The following ZFX variants were observed in gnomAD, a reference collection of about 807,000 sequenced individuals.
The protein encoded by ZFX is zinc finger X-chromosomal protein.
For synonymous variants in ZFX, 196 were observed against 226.8 expected (o/e 0.86, Z 1.22); for missense variants, 362 against 628.3 (o/e 0.58, Z 4.53).
At chrX:24,157,434 C>G (rs1202266749) in intron 3 of ZFX, among the ~76,000 whole-genome samples, 2 of 112,279 alleles carry the variant, frequency 1.8e-5, no homozygotes, top group Non-Finnish European at 3.8e-5. Flanking sequence ...CCCATAATCA[C>G]TGTTGTCTAG....
chrX:24,202,991 C>T (rs1937399329), intron 5 of ZFX, among the ~76,000 whole-genome samples: 1 of 111,991 alleles, frequency 8.9e-6, no homozygotes, highest in African/African-American at 3.2e-5. Context: ...GCCGTGAGCA[C>T]AAAGCAATAG....
chrX:24,212,018 A>ACAT lies in ZFX; in HGVS notation c.*644_*646dup, dbSNP rs1211854301. 5 of 112,764 alleles carry ACAT rather than the reference A, an allele frequency of 4.4e-5. No homozygotes were observed. Among genetic ancestry groups the ACAT allele is most frequent in the Non-Finnish European group, 9.4e-5 (5 of 53,355 alleles). 9.3% of individuals were successfully genotyped at this position (112,764 alleles called of 1,213,427 possible). A position where few individuals can be genotyped will look rare whatever the true frequency, so the allele number is the denominator to read the frequency against. Reference sequence around the variant, plus strand: ...TCTTTTGGCTTTCTTTGGATTATTTACATCTTTTGTCAGCGTAGCAAACTT... The same window carrying ACAT: ...TCTTTTGGCTTTCTTTGGATTATTTACATCATCTTTTGTCAGCGTAGCAAACTT... On this transcript the variant is annotated 3_prime_UTR_variant, in exon 10 of 10. Transcript: ENST00000304543.
intron 3 of ZFX, among the ~76,000 whole-genome samples, chrX:24,169,909 G>A (rs977999975): frequency 2.7e-5 from 3 of 110,833 alleles, no homozygotes; most frequent in African/African-American, 9.9e-5. Context: ...AAGAGAACTA[G>A]AAGTCACTTA....
At position 24,210,676 on chromosome X, in the gene ZFX, A is replaced by T; in HGVS notation, c.1718A>T (p.Glu573Val). 1 of 1,211,795 alleles carries T rather than the reference A, an allele frequency of 8.3e-7. No homozygotes were observed. Among genetic ancestry groups the T allele is most frequent in the Non-Finnish European group, 1.1e-6 (1 of 895,558 alleles). The change falls in exon 10 of 10, where the codon GAG becomes GTG. Residue 573 changes from glutamate (E) to valine (V), a missense_variant. Transcript: ENST00000304543. ...LKKHMRIHTG[E>V]KPYQCQYCEY... The stretch of plus-strand genomic sequence containing the variant: ...AAGCACATGAGAATCCATACTGGGG[A>T]GAAGCCGTACCAATGCCAGTACTGC...
intron 3 of ZFX, among the ~76,000 whole-genome samples, chrX:24,160,642 A>G (rs901181640): frequency 8.9e-6 from 1 of 111,765 alleles, no homozygotes; most frequent in Non-Finnish European, 1.9e-5. Flanking sequence ...GTACATGTAT[A>G]CAATGTGTAA....
rs1938090926 is a variant in ZFX at position 24,211,670 on chromosome X, A to C, written c.*294A>C. The C allele has an allele frequency of 4.0e-6, 1 of 250,878 alleles. No individual in the cohort carries two copies. The highest frequency in any genetic ancestry group is 2.9e-5 in the African/African-American group (1 of 35,014). The allele number at this position is 250,878 out of a possible 1,213,427, so 20.7% of individuals were successfully genotyped here. A position where few individuals can be genotyped will look rare whatever the true frequency, so the allele number is the denominator to read the frequency against. ...ATATCTTAGAATTTTATATTTATTTAAATATTTACCTTGCTTACCTTGATG... is the reference window on the plus strand; with the variant it reads ...ATATCTTAGAATTTTATATTTATTTCAATATTTACCTTGCTTACCTTGATG... On this transcript the variant is annotated 3_prime_UTR_variant, in exon 10 of 10. Transcript: ENST00000304543.
chrX:24,185,745 C>T (rs1339810983), intron 5 of ZFX, among the ~76,000 whole-genome samples: 5 of 112,602 alleles, frequency 4.4e-5, no homozygotes, highest in Non-Finnish European at 9.4e-5. Context: ...CCACTGCTTC[C>T]GGCCTTAATG....
intron 3 of ZFX, among the ~76,000 whole-genome samples, chrX:24,157,004 A>G (rs968375280): frequency 4.5e-5 from 5 of 111,851 alleles, no homozygotes; most frequent in East Asian, 2.8e-4. Flanking sequence ...TTCCTTCAGG[A>G]TTATTTTAGC....
rs1034492045 is a variant in ZFX at position 24,214,415 on chromosome X, T to C, written c.*3039T>C. On this transcript the variant is annotated 3_prime_UTR_variant, in exon 10 of 10. Transcript: ENST00000304543. ...GAATATTTTCCTGTTATTGAATGTTTAGTCTATTTGATACCAGTACTAAGT... is the reference window on the plus strand; with the variant it reads ...GAATATTTTCCTGTTATTGAATGTTCAGTCTATTTGATACCAGTACTAAGT... 8.9e-6 allele frequency: 1 copy of C among 112,716 alleles called. No homozygotes were observed. The highest frequency in any genetic ancestry group is 3.2e-5 in the African/African-American group (1 of 30,955). The allele number at this position is 112,716 out of a possible 1,213,427, so 9.3% of individuals were successfully genotyped here.
At chrX:24,159,369 A>G (rs1445870056) in intron 3 of ZFX, among the ~76,000 whole-genome samples, 1 of 112,436 alleles carries the variant, frequency 8.9e-6, no homozygotes, top group Non-Finnish European at 1.9e-5. Context: ...TTCCTTTTTT[A>G]TGTAATCTTG....
rs943994832 is a variant in ZFX, at chrX:24,215,950, C to T, written c.*4574C>T. The stretch of plus-strand genomic sequence containing the variant: ...TTAGCTAAGGTCAAATTAAGTTTAC[C>T]CTATGGATTTTGTTTCATCTTTTGT... On this transcript the variant is annotated 3_prime_UTR_variant, in exon 10 of 10. Coordinates refer to ENST00000304543, the MANE Select transcript of ZFX (RefSeq NM_003410.4). 4.5e-5 allele frequency: 5 copies of T among 110,520 alleles called. No homozygotes were observed. The highest frequency in any genetic ancestry group is 1.6e-4 in the African/African-American group (5 of 30,362). 9.1% of individuals were successfully genotyped at this position (110,520 alleles called of 1,213,427 possible). A position where few individuals can be genotyped will look rare whatever the true frequency, so the allele number is the denominator to read the frequency against.
rs771880993 is a variant in ZFX, at chrX:24,207,265, G to T, written c.647-61G>T. The T allele has an allele frequency of 1.6e-5, 14 of 894,963 alleles. 1 individual carries two copies. In the South Asian group the frequency reaches 3.5e-4, roughly 22 times the overall value. The allele number at this position is 894,963 out of a possible 1,213,427, so 73.8% of individuals were successfully genotyped here. The stretch of plus-strand genomic sequence containing the variant: ...AAAAAATTTTTTTTTTTTTTTTTGC[G>T]AATAGTAACATTTTATTTAAATATC... On this transcript the variant is annotated intron_variant, in intron 5 of 9. Coordinates refer to ENST00000304543, the MANE Select transcript of ZFX (RefSeq NM_003410.4).
chrX:24,190,064 T>G (rs1311461353), intron 5 of ZFX, among the ~76,000 whole-genome samples: 1 of 112,231 alleles, frequency 8.9e-6, no homozygotes, highest in Non-Finnish European at 1.9e-5. Flanking sequence ...TTTTTAAAAT[T>G]TATTTCATTA....
chrX:24,207,492 A>C lies in ZFX; in HGVS notation c.796+17A>C, dbSNP rs1937674347. 1 of 1,201,718 alleles carries C rather than the reference A, an allele frequency of 8.3e-7. No homozygotes were observed. Among genetic ancestry groups the C allele is most frequent in the Non-Finnish European group, 1.1e-6 (1 of 891,631 alleles). On this transcript the variant is annotated intron_variant, in intron 6 of 9. Transcript: ENST00000304543. ...ATGACTTAGGTAAGAAGAAGTGTTT[A>C]GACATTATACATCCTCATCCAAATG... is the stretch of plus-strand genomic sequence containing the variant.
chrX:24,196,325 C>T (rs1383493749), intron 5 of ZFX, among the ~76,000 whole-genome samples: 2 of 111,393 alleles, frequency 1.8e-5, no homozygotes, highest in Non-Finnish European at 3.8e-5. Flanking sequence ...GTTGGTCAGG[C>T]TGGTCTCGAA....
intron 3 of ZFX, among the ~76,000 whole-genome samples, chrX:24,156,785 G>A (rs779601637): frequency 1.8e-5 from 2 of 108,771 alleles, no homozygotes; most frequent in African/African-American, 3.4e-5. Flanking sequence ...CTCCCGAGTA[G>A]CTGGGACTAC....
At position 24,152,744 on chromosome X, in the gene ZFX, TAAG is replaced by T. The variant is rs1482053746; in HGVS notation, c.-110_-108del. 8.9e-6 allele frequency: 1 copy of T among 112,161 alleles called. No individual in the cohort carries two copies. Among genetic ancestry groups the T allele is most frequent in the Non-Finnish European group, 1.9e-5 (1 of 53,228 alleles). The allele number at this position is 112,161 out of a possible 1,213,427, so 9.2% of individuals were successfully genotyped here. ...GCTGGGAAAGACATAGAAGAACTAT[TAAG>T]AAGATAGAATTGTTTTGCTGCGCAG... On this transcript the variant is annotated 5_prime_UTR_variant, in exon 3 of 10. Coordinates refer to ENST00000304543, the MANE Select transcript of ZFX (RefSeq NM_003410.4).
At chrX:24,156,085 C>G (rs1389207792) in intron 3 of ZFX, among the ~76,000 whole-genome samples, 1 of 111,265 alleles carries the variant, frequency 9.0e-6, no homozygotes, top group African/African-American at 3.3e-5. Flanking sequence ...TAAGTAGAGA[C>G]GGGGTTTCAC....
chrX:24,198,501 T>A (rs980523375), intron 5 of ZFX, among the ~76,000 whole-genome samples: 5 of 101,724 alleles, frequency 4.9e-5, no homozygotes, highest in African/African-American at 1.1e-4. Context: ...TTTTTTTTTT[T>A]AGAGGGTTAA....
Sources: allele counts gnomAD v4.1 joint callset (sites outside exome capture counted in the v4.1 genomes callset), GRCh38; gene constraint gnomAD v4.1.1; transcripts MANE v1.5; gene names NCBI Gene and HGNC (gene_info 2026-07-23, HGNC 2026-07-21).